SDCCAG8: variants seen among roughly 807,000 people sequenced by gnomAD.
SDCCAG8 encodes the protein SHH signaling and ciliogenesis regulator SDCCAG8.
A neutral mutation model predicts 101.8 loss-of-function variants in SDCCAG8; 74 were observed. The ratio of observed to expected loss-of-function variants is 0.73; its 90% CI spans 0.60 to 0.88. The LOEUF is 0.88. SDCCAG8 is among the 40% of genes least tolerant of loss of function. The pLI, the probability that SDCCAG8 is intolerant of heterozygous loss-of-function variation, is 0.00. For synonymous variants in SDCCAG8, 281 were observed against 292.9 expected, an observed-to-expected ratio of 0.96 and a Z score of 0.41; for missense variants, 787 against 822.6, an observed-to-expected ratio of 0.96 and a Z score of 0.53.
intron 16 of SDCCAG8, among the ~76,000 whole-genome samples, chr1:243,473,230 C>A (rs1661603714): frequency 6.6e-6 from 1 of 152,170 alleles, no homozygotes; most frequent in South Asian, 2.1e-4. Context: ...TGAAACAATG[C>A]AATTAAACTG....
chr1:243,396,830 G>A (rs921104623), intron 13 of SDCCAG8, among the ~76,000 whole-genome samples: 1 of 152,160 alleles, frequency 6.6e-6, no homozygotes, highest in African/African-American at 2.4e-5. Flanking sequence ...GAACCCAAAA[G>A]TAATTTTCAC....
At chr1:243,403,127 C>T (rs2079519466) in intron 13 of SDCCAG8, among the ~76,000 whole-genome samples, 1 of 152,154 alleles carries the variant, frequency 6.6e-6, no homozygotes, top group African/African-American at 2.4e-5. Context: ...TTGCCGGTTG[C>T]CTCATGTGGA....
At chr1:243,480,539 GGGT>G (rs1558527495) in intron 16 of SDCCAG8, among the ~76,000 whole-genome samples, 3 of 71,462 alleles carry the variant, frequency 4.2e-5, no homozygotes, top group Admixed American at 1.4e-4. Flanking sequence ...ATGGATGGAT[GGGT>G]GGATGGATGG....
Position 243,417,991 on chromosome 1 carries a change from A to G in SDCCAG8, c.1768A>G (p.Thr590Ala), listed in dbSNP as rs780281311. The G allele has an allele frequency of 2.5e-6, 4 of 1,612,008 alleles. No individual in the cohort carries two copies. The African/African-American group carries it at 5.3e-5, about 22-fold the overall frequency. ...KTENEQYLLLTSQNTFLTKLK... is the reference protein window; with the variant it reads ...KTENEQYLLLASQNTFLTKLK... ...AGAAAATGAACAGTATTTGTTGCTG[A>G]CCTCCCAGAATACATTTTTGACAAA... The change falls in exon 15 of 18, where the codon ACC becomes GCC. Residue 590 changes from threonine (T) to alanine (A), a missense_variant. Physicochemically the swap from Thr to Ala is moderately conservative, Grantham distance 58 (BLOSUM62 0). Transcript: ENST00000366541.
intron 10 of SDCCAG8, among the ~76,000 whole-genome samples, chr1:243,339,714 C>T (rs775074427): frequency 6.6e-6 from 1 of 152,132 alleles, no homozygotes. Flanking sequence ...CACCTATCTT[C>T]GTTTTATTGA....
intron 16 of SDCCAG8, among the ~76,000 whole-genome samples, chr1:243,444,133 T>C (rs2082731972): frequency 6.6e-6 from 1 of 152,190 alleles, no homozygotes. Context: ...GCCTAGTTTG[T>C]ATAATTTTTG....
At chr1:243,367,189 TC>T (rs2077037477) in intron 12 of SDCCAG8, among the ~76,000 whole-genome samples, 1 of 152,180 alleles carries the variant, frequency 6.6e-6, no homozygotes, top group Non-Finnish European at 1.5e-5. Flanking sequence ...AGATAATTTT[TC>T]TTTGGTAATT....
chr1:243,453,289 ACT>A, intron 16 of SDCCAG8, among the ~76,000 whole-genome samples: 1 of 149,390 alleles, frequency 6.7e-6, no homozygotes, highest in South Asian at 2.2e-4. Flanking sequence ...GGTAAATTAC[ACT>A]CTTCTTGGTG....
chr1:243,457,607 C>T (rs1658062121), intron 16 of SDCCAG8, among the ~76,000 whole-genome samples: 1 of 152,190 alleles, frequency 6.6e-6, no homozygotes, highest in African/African-American at 2.4e-5. Flanking sequence ...TCGGTGCATA[C>T]GTGACATTTG....
At chr1:243,396,555 T>C (rs1334772665) in intron 13 of SDCCAG8, among the ~76,000 whole-genome samples, 1 of 152,242 alleles carries the variant, frequency 6.6e-6, no homozygotes, top group Admixed American at 6.5e-5. Flanking sequence ...GAATACTCTC[T>C]CCCTTGGCTA....
chr1:243,338,702 T>C (rs1305955997), intron 10 of SDCCAG8: 2 of 152,212 alleles, frequency 1.3e-5, no homozygotes, highest in Admixed American at 6.5e-5. Flanking sequence ...ATCTCTTGCA[T>C]AGGGAGTACA....
chr1:243,274,144 G>T (rs532940862), intron 3 of SDCCAG8, among the ~76,000 whole-genome samples: 1 of 152,340 alleles, frequency 6.6e-6, no homozygotes, highest in South Asian at 2.1e-4. Flanking sequence ...ATGGTGGAAG[G>T]TGAAAGGGGA....
chr1:243,333,608 C>T (rs2074784611), intron 10 of SDCCAG8, among the ~76,000 whole-genome samples: 1 of 152,240 alleles, frequency 6.6e-6, no homozygotes, highest in Non-Finnish European at 1.5e-5. Flanking sequence ...CTTCAGCCCA[C>T]TGCATTTCAA....
At chr1:243,437,406 A>G (rs996305597) in intron 16 of SDCCAG8, among the ~76,000 whole-genome samples, 1 of 152,184 alleles carries the variant, frequency 6.6e-6, no homozygotes, top group African/African-American at 2.4e-5. Context: ...GACTACGGTA[A>G]GAGTAAACCC....
intron 1 of SDCCAG8, chr1:243,267,393 G>C (rs1252061053): frequency 7.4e-6 from 2 of 270,596 alleles, no homozygotes; most frequent in Non-Finnish European, 1.5e-5. Flanking sequence ...GAGGTCGGGA[G>C]TTTGAGACCA....
chr1:243,390,307 G>T (rs942931508), intron 13 of SDCCAG8, among the ~76,000 whole-genome samples: 3 of 152,124 alleles, frequency 2.0e-5, no homozygotes, highest in African/African-American at 7.2e-5. Flanking sequence ...CATCTTCAAG[G>T]CTTGAAATAG....
At chr1:243,467,562 C>T (rs559124500) in intron 16 of SDCCAG8, among the ~76,000 whole-genome samples, 13 of 152,212 alleles carry the variant, frequency 8.5e-5, no homozygotes, top group Non-Finnish European at 1.3e-4. Flanking sequence ...GAGATCCACC[C>T]GTTTACATTT....
intron 16 of SDCCAG8, chr1:243,488,148 G>C (rs548256571): frequency 6.6e-6 from 1 of 152,438 alleles, no homozygotes; most frequent in South Asian, 2.1e-4. Context: ...TGTAAGTTTA[G>C]TTGTGCCCGG....
At position 243,491,204 on chromosome 1, in the gene SDCCAG8, G is replaced by T. The variant is rs1264525916; in HGVS notation, c.2112+2064G>T. On this transcript the variant is annotated intron_variant, in intron 17 of 17. Transcript: ENST00000366541. ...TAACATGGATCACCGATGCTTAGAA[G>T]CTTCTTCCAGGGCTTTAAAAATCTG... Among the ~76,000 whole-genome samples, 16 of 152,324 alleles carry T rather than the reference G, an allele frequency of 1.1e-4. No individual in the cohort carries two copies. In the East Asian group the frequency reaches 3.1e-3, roughly 29 times the overall value.
Sources: gnomAD v4.1 joint callset for allele counts (sites outside exome capture counted in the v4.1 genomes callset) on GRCh38, gnomAD v4.1.1 for gene constraint, MANE v1.5 for transcripts, NCBI Gene and HGNC (gene_info 2026-07-23, HGNC 2026-07-21) for gene names.